Variants in RNF215 observed in about 807,000 individuals in gnomAD.
RNF215 encodes the protein ring finger protein 215.
In RNF215, 41 loss-of-function variants were observed where a neutral mutation model predicts 44.8. That is an observed-to-expected ratio of 0.92 (90% CI 0.71 to 1.19). RNF215 has a LOEUF of 1.19. Among genes scored for constraint, RNF215 ranks in the 50% most tolerant of loss-of-function variants. The probability of loss-of-function intolerance (pLI) is 0.00; values close to 1 mark genes in which losing one functional copy is unlikely to be tolerated. For synonymous variants in RNF215, 218 were observed against 230.1 expected (o/e 0.95, Z 0.48); for missense variants, 452 against 496.2 (o/e 0.91, Z 0.85).
chr22:30,386,793 AG>A, intron 1 of RNF215, 34 bp from the exon 2 acceptor site: 1 of 1,589,228 alleles, frequency 6.3e-7, no homozygotes. Context: ...AGAGGGAGGT[AG>A]GGTGTGGTGG....
Position 30,379,597 on chromosome 22 carries a change from C to A in RNF215, c.*3G>T, listed in dbSNP as rs1204782360. On this transcript the variant is annotated 3_prime_UTR_variant, in exon 9 of 9. Coordinates refer to ENST00000382363, the MANE Select transcript of RNF215 (RefSeq NM_001017981.2). ...TCCCCATGTGCAGAGTCCAGCTGGG[C>A]AGCTAATCATCGGAGTAGCGGTTCC... 6 of 1,550,438 alleles carry A rather than the reference C, an allele frequency of 3.9e-6. No individual in the cohort carries two copies. Among genetic ancestry groups the A allele is most frequent in the African/African-American group, 1.4e-5 (1 of 73,040 alleles).
At chr22:30,384,809 GTCTT>G (rs930341695) in intron 4 of RNF215, 9 of 236,962 alleles carry the variant, frequency 3.8e-5, no homozygotes, top group South Asian at 9.0e-5. Flanking sequence ...GGACAGGACA[GTCTT>G]TCTTTTTTTT....
At position 30,386,259 on chromosome 22, in the gene RNF215, A is replaced by G. The variant is rs1013700765; in HGVS notation, c.430-118T>C. The G allele has an allele frequency of 6.3e-6, 6 of 954,310 alleles. No homozygotes were observed. The South Asian group carries it at 9.1e-5, about 15-fold the overall frequency. 59.1% of individuals were successfully genotyped at this position (954,310 alleles called of 1,614,324 possible). The stretch of plus-strand genomic sequence containing the variant: ...CTGCAGTGAGCAAAACTCTGGACAG[A>G]CTGCCATAAGCTCCTTGAGGTCAAA... On this transcript the variant is annotated intron_variant, in intron 2 of 8. Coordinates refer to ENST00000382363, the MANE Select transcript of RNF215 (RefSeq NM_001017981.2).
chr22:30,386,899 G>A, intron 1 of RNF215, 130 bp downstream of exon 1: 1 of 1,474,784 alleles, frequency 6.8e-7, no homozygotes, highest in Non-Finnish European at 9.0e-7. Flanking sequence ...TGGGGGCCTG[G>A]GGAGCCTGGG....
In RNF215 at chr22:30,379,718, G is replaced by C. The variant is rs769162771; in HGVS notation, c.1104C>G (p.Asn368Lys). 3.2e-6 allele frequency: 5 copies of C among 1,558,990 alleles called. No homozygotes were observed. Among genetic ancestry groups the C allele is most frequent in the Admixed American group, 3.9e-5 (2 of 51,346 alleles). The change falls in exon 8 of 9, where the codon AAC becomes AAG. Residue 368 changes from asparagine (N) to lysine (K), a missense_variant. By Grantham distance (94) the Asn-to-Lys change is moderately conservative (BLOSUM62 0). Coordinates refer to ENST00000382363, the MANE Select transcript of RNF215 (RefSeq NM_001017981.2). ...CCCACCCCTGGTGCTCACCCAGGAC[G>C]TTGAATTTGCACAGTGGGCAGGTCT... The part of the protein sequence containing the change: ...LQQTCPLCKF[N>K]VLGNRYSDD
At position 30,384,408 on chromosome 22, in the gene RNF215, G is replaced by T. The variant is rs200419230; in HGVS notation, c.675C>A (p.Gly225=). ...ATCCTCCATAGCCATCCTTGGAGAG[G>T]CCACAGGTGGTCCACAAGGTCAACT... The part of the protein sequence containing the change: ...EWKLTLWTTC[G]LSKDGYGGWQ... The change falls in exon 5 of 9, where the codon GGC becomes GGA. Residue 225 remains glycine (G), a synonymous_variant. Transcript: ENST00000382363. The T allele has an allele frequency of 1.9e-6, 3 of 1,613,926 alleles. No individual in the cohort carries two copies. Among genetic ancestry groups the T allele is most frequent in the Admixed American group, 1.7e-5 (1 of 59,998 alleles).
At chr22:30,383,547 CACGGTG>C (rs1933556201) in intron 5 of RNF215, among the ~76,000 whole-genome samples, 1 of 152,186 alleles carries the variant, frequency 6.6e-6, no homozygotes, top group African/African-American at 2.4e-5. Flanking sequence ...CTGCACAGCC[CACGGTG>C]GCCAACACCT....
chr22:30,379,897 C>T, intron 7 of RNF215, 84 bp from the exon 8 acceptor site: 1 of 1,509,724 alleles, frequency 6.6e-7, no homozygotes, highest in Admixed American at 1.7e-5. Context: ...CTCGCCTCAG[C>T]TGGGGAACTG....
Position 30,380,034 on chromosome 22 carries a change from A to G in RNF215, c.1008+28T>C. ...GGTGGGAGGCATCACAGGTGAGCTGATGGCTGGTCTCTACCCGGGGCACTA... is the reference window on the plus strand; with the variant it reads ...GGTGGGAGGCATCACAGGTGAGCTGGTGGCTGGTCTCTACCCGGGGCACTA... On this transcript the variant is annotated intron_variant, in intron 7 of 8. Coordinates refer to ENST00000382363, the MANE Select transcript of RNF215 (RefSeq NM_001017981.2). The surrounding 1 kb of genome is among the most constrained non-coding windows in gnomAD (Gnocchi z 5.3). 2 of 1,612,132 alleles carry G rather than the reference A, an allele frequency of 1.2e-6. No individual in the cohort carries two copies. The highest frequency in any genetic ancestry group is 1.7e-6 in the Non-Finnish European group (2 of 1,178,616).
Position 30,379,582 on chromosome 22 carries a change from C to A in RNF215, c.*18G>T, listed in dbSNP as rs937695729. The A allele has an allele frequency of 6.5e-7, 1 of 1,549,820 alleles. No homozygotes were observed. ...GGCAGGAAGGGTCCATCCCCATGTG[C>A]AGAGTCCAGCTGGGCAGCTAATCAT... On this transcript the variant is annotated 3_prime_UTR_variant, in exon 9 of 9. Transcript: ENST00000382363.
intron 5 of RNF215, among the ~76,000 whole-genome samples, chr22:30,381,917 C>T (rs911678611): frequency 6.6e-6 from 1 of 152,168 alleles, no homozygotes; most frequent in African/African-American, 2.4e-5. Context: ...TTTATCATGC[C>T]CTAGAGGGTG....
intron 5 of RNF215, among the ~76,000 whole-genome samples, chr22:30,384,115 A>G (rs559961792): frequency 1.3e-5 from 2 of 152,318 alleles, no homozygotes; most frequent in African/African-American, 4.8e-5. Context: ...CCTGCAGAAC[A>G]TGAGGACGGC....
In RNF215 at chr22:30,380,224, C is replaced by T. The variant is rs1211616167; in HGVS notation, c.865-19G>A. 5.0e-6 allele frequency: 8 copies of T among 1,612,792 alleles called. No individual in the cohort carries two copies. The highest frequency in any genetic ancestry group is 1.3e-5 in the African/African-American group (1 of 74,886). ...GGTCCACCTGTGGGGAGAGGACGGGCACAGTCTTGCAGGTCCAAGGGCTGA... is the reference window on the plus strand; with the variant it reads ...GGTCCACCTGTGGGGAGAGGACGGGTACAGTCTTGCAGGTCCAAGGGCTGA... On this transcript the variant is annotated intron_variant, in intron 6 of 8. Transcript: ENST00000382363. The surrounding 1 kb of genome is among the most constrained non-coding windows in gnomAD (Gnocchi z 5.3).
In RNF215 at chr22:30,387,304, C is replaced by T. The variant is rs1443636781; in HGVS notation, c.10G>A (p.Ala4Thr). 3.8e-6 allele frequency: 4 copies of T among 1,065,154 alleles called. No homozygotes were observed. Among genetic ancestry groups the T allele is most frequent in the Non-Finnish European group, 4.5e-6 (4 of 884,170 alleles). 66.0% of individuals were successfully genotyped at this position (1,065,154 alleles called of 1,614,324 possible). A position where few individuals can be genotyped will look rare whatever the true frequency, so the allele number is the denominator to read the frequency against. MGP[A>T]ARPALRSPPP... is the part of the protein sequence containing the mutation. ...GGCGATCTCAGCGCGGGGCGAGCGGCGGGGCCCATGGCCGGACCCGGCGAG... is the reference window on the plus strand; with the variant it reads ...GGCGATCTCAGCGCGGGGCGAGCGGTGGGGCCCATGGCCGGACCCGGCGAG... Residue 4 changes from alanine to threonine, a missense_variant, in exon 1 of 9, where the codon GCC becomes ACC. Ala to Thr is a moderately conservative substitution (Grantham distance 58). Transcript: ENST00000382363.
rs750936543 is a variant in RNF215 at position 30,380,220 on chromosome 22, C to T, written c.865-15G>A. 27 of 1,612,942 alleles carry T rather than the reference C, an allele frequency of 1.7e-5. No individual in the cohort carries two copies. Among genetic ancestry groups the T allele is most frequent in the Middle Eastern group, 1.6e-4 (1 of 6,084 alleles). ...AACAGGTCCACCTGTGGGGAGAGGA[C>T]GGGCACAGTCTTGCAGGTCCAAGGG... On this transcript the variant is annotated splice_polypyrimidine_tract_variant and intron_variant, in intron 6 of 8. Coordinates refer to ENST00000382363, the MANE Select transcript of RNF215 (RefSeq NM_001017981.2). This position sits in a 1 kb window ranked among gnomAD's most constrained non-coding sequence, Gnocchi z 5.3.
chr22:30,384,802 C>A (rs1569199532), intron 4 of RNF215: 1 of 273,014 alleles, frequency 3.7e-6, no homozygotes, highest in Non-Finnish European at 6.9e-6. Context: ...CAGCCTGGGA[C>A]AGGACAGTCT....
Position 30,385,937 on chromosome 22 carries a change from G to A in RNF215, c.554C>T (p.Ser185Phe), listed in dbSNP as rs1260605560. ...TGCATCCAACAGCTTGGTGACATTG[G>A]AGGAATAATGGAGGACGATCACTGG... Reference protein sequence around the residue: ...LRPVIVLHYSSNVTKLLDALL... With the variant: ...LRPVIVLHYSFNVTKLLDALL... Residue 185 changes from serine (S) to phenylalanine (F), a missense_variant, in exon 4 of 9, where the codon TCC becomes TTC. Ser to Phe is a radical substitution (Grantham distance 155). Coordinates refer to ENST00000382363, the MANE Select transcript of RNF215 (RefSeq NM_001017981.2). 3 of 1,614,140 alleles carry A rather than the reference G, an allele frequency of 1.9e-6. No individual in the cohort carries two copies. Among genetic ancestry groups the A allele is most frequent in the Non-Finnish European group, 2.5e-6 (3 of 1,179,998 alleles).
intron 4 of RNF215, 100 bp downstream of exon 4, chr22:30,385,804 T>A: frequency 2.2e-5 from 21 of 955,310 alleles, no homozygotes; most frequent in Middle Eastern, 2.8e-4. Context: ...AAAAAAAGGC[T>A]AACAGGTAAG....
chr22:30,386,094 G>T lies in RNF215; in HGVS notation c.477C>A (p.Ile159=). 1 of 1,610,156 alleles carries T rather than the reference G, an allele frequency of 6.2e-7. No homozygotes were observed. Among genetic ancestry groups the T allele is most frequent in the Non-Finnish European group, 8.5e-7 (1 of 1,178,384 alleles). The part of the protein sequence containing the change: ...FLGASALLLL[I]LNHNVVRELD... The stretch of plus-strand genomic sequence containing the variant: ...CCTCTCGGACCACGTTGTGGTTCAG[G>T]ATGAGAAGAAGCAGGGCAGAGGCAC... Residue 159 remains isoleucine (I), a synonymous_variant, in exon 3 of 9, where the codon ATC becomes ATA. Coordinates refer to ENST00000382363, the MANE Select transcript of RNF215 (RefSeq NM_001017981.2).
Sources: gnomAD v4.1 joint callset for allele counts (sites outside exome capture counted in the v4.1 genomes callset) on GRCh38, gnomAD v4.1.1 for gene constraint, Gnocchi (gnomAD v3.1) non-coding constraint, MANE v1.5 for transcripts, NCBI Gene and HGNC (gene_info 2026-07-23, HGNC 2026-07-21) for gene names.